KCTD20: variants seen among roughly 807,000 people sequenced by gnomAD.
KCTD20 encodes the protein BTB/POZ domain-containing protein KCTD20.
Under a neutral mutation model 39.6 loss-of-function variants are expected in KCTD20, and 30 were observed. The observed-to-expected ratio is 0.76, with a 90% CI of 0.57 to 1.03. KCTD20 has a LOEUF of 1.03. KCTD20 is among the 50% of genes least tolerant of loss of function. The probability of loss-of-function intolerance (pLI) is 0.00; values close to 1 mark genes in which losing one functional copy is unlikely to be tolerated. For synonymous variants in KCTD20, 162 were observed against 180.6 expected (o/e 0.90, Z 0.83); for missense variants, 422 against 522.0 (o/e 0.81, Z 1.87).
intron 1 of KCTD20, among the ~76,000 whole-genome samples, chr6:36,446,247 C>T (rs1379297489): frequency 6.6e-6 from 1 of 151,854 alleles, no homozygotes; most frequent in Non-Finnish European, 1.5e-5. Flanking sequence ...AGGCTGGTCT[C>T]GAACTCCTGA....
chr6:36,447,508 T>C (rs1398619496), intron 1 of KCTD20, among the ~76,000 whole-genome samples: 1 of 151,842 alleles, frequency 6.6e-6, no homozygotes, highest in East Asian at 1.9e-4. Context: ...CATGCGACTG[T>C]AAGCCCAGTT....
intron 1 of KCTD20, among the ~76,000 whole-genome samples, chr6:36,450,223 C>T (rs1295155860): frequency 3.3e-5 from 5 of 149,454 alleles, no homozygotes; most frequent in African/African-American, 9.9e-5. Context: ...TGCAATGGCT[C>T]CTGCGTGTAA....
At position 36,487,125 on chromosome 6, in the gene KCTD20, C is replaced by G. The variant is rs757829854; in HGVS notation, c.1210C>G (p.Arg404Gly). The change falls in exon 8 of 8, where the codon CGG (arginine) becomes GGG (glycine). Residue 404 changes from arginine (R) to glycine (G), a missense_variant. By Grantham distance (125) the Arg-to-Gly change is moderately radical. Transcript: ENST00000373731. ...HHPPQVDELD[R>G]LNAPLSQMAS... ...CCCACCCCAAGTGGATGAACTTGAC[C>G]GGCTAAATGCCCCACTTTCTCAGAT... 6.2e-6 allele frequency: 10 copies of G among 1,614,052 alleles called. No individual in the cohort carries two copies. Among genetic ancestry groups the G allele is most frequent in the Non-Finnish European group, 7.6e-6 (9 of 1,179,942 alleles).
At chr6:36,456,275 G>A (rs1462348956) in intron 1 of KCTD20, among the ~76,000 whole-genome samples, 2 of 151,986 alleles carry the variant, frequency 1.3e-5, no homozygotes, top group Admixed American at 6.6e-5. Flanking sequence ...AGACCCCATC[G>A]CTAAAAAATT....
At chr6:36,464,892 T>C (rs1263797967) in intron 1 of KCTD20, among the ~76,000 whole-genome samples, 1 of 152,176 alleles carries the variant, frequency 6.6e-6, no homozygotes, top group Admixed American at 6.5e-5. Flanking sequence ...GATTAGCTTA[T>C]TTACCAAATT....
At chr6:36,445,402 G>A (rs1309521545) in intron 1 of KCTD20, among the ~76,000 whole-genome samples, 1 of 151,960 alleles carries the variant, frequency 6.6e-6, no homozygotes, top group African/African-American at 2.4e-5. Flanking sequence ...ATGTGTTTCT[G>A]TGACTTTTTT....
chr6:36,470,465 AAAAC>A (rs1172031465), intron 2 of KCTD20, among the ~76,000 whole-genome samples: 6 of 152,252 alleles, frequency 3.9e-5, no homozygotes, highest in Non-Finnish European at 8.8e-5. Flanking sequence ...TAATGGTATT[AAAAC>A]AAACAAACAA....
intron 2 of KCTD20, 30 bp downstream of exon 2, chr6:36,470,287 G>A: frequency 6.4e-7 from 1 of 1,566,720 alleles, no homozygotes; most frequent in Non-Finnish European, 8.7e-7. Context: ...ACTTAATTTG[G>A]GGGGCTTTCC....
At chr6:36,443,697 T>G (rs1388404942) in intron 1 of KCTD20, 1 of 152,226 alleles carries the variant, frequency 6.6e-6, no homozygotes, top group East Asian at 1.9e-4. Flanking sequence ...CAATTTTCTT[T>G]TAAATAAAAC....
chr6:36,479,556 T>C (rs1353152757), intron 4 of KCTD20, 35 bp from the exon 5 acceptor site: 1 of 1,583,660 alleles, frequency 6.3e-7, no homozygotes, highest in South Asian at 1.1e-5. Context: ...CATCTTGTTC[T>C]CTGCCTACAT....
Position 36,475,158 on chromosome 6 carries a change from T to C in KCTD20, c.434+96T>C, listed in dbSNP as rs1265352912. ...CATTAGATATAACAGTAAAAAGTATTGTATAGGTTGGGCGCGGTGGCTCAC... is the reference window on the plus strand; with the variant it reads ...CATTAGATATAACAGTAAAAAGTATCGTATAGGTTGGGCGCGGTGGCTCAC... On this transcript the variant is annotated intron_variant, in intron 3 of 7. Transcript: ENST00000373731. 4.4e-6 allele frequency: 6 copies of C among 1,372,468 alleles called. No individual in the cohort carries two copies. In the African/African-American group the frequency reaches 8.7e-5, roughly 20 times the overall value. 85.0% of individuals were successfully genotyped at this position (1,372,468 alleles called of 1,614,324 possible). A position where few individuals can be genotyped will look rare whatever the true frequency, so the allele number is the denominator to read the frequency against.
At chr6:36,468,413 G>A (rs1775822767) in intron 1 of KCTD20, among the ~76,000 whole-genome samples, 1 of 152,194 alleles carries the variant, frequency 6.6e-6, no homozygotes. Flanking sequence ...CTTATTGTGT[G>A]TTGGTTCAAG....
At chr6:36,483,068 G>A (rs1180553229) in intron 6 of KCTD20, among the ~76,000 whole-genome samples, 5 of 148,066 alleles carry the variant, frequency 3.4e-5, no homozygotes, top group African/African-American at 7.5e-5. Flanking sequence ...GCAGTGAGCC[G>A]AGATCATGCC....
At chr6:36,466,467 G>A (rs1341597896) in intron 1 of KCTD20, among the ~76,000 whole-genome samples, 9 of 147,824 alleles carry the variant, frequency 6.1e-5, no homozygotes, top group Non-Finnish European at 1.3e-4. Flanking sequence ...CTACAGCCTC[G>A]ACCTCCTGGG....
At chr6:36,451,905 G>A (rs1050109268) in intron 1 of KCTD20, among the ~76,000 whole-genome samples, 2 of 152,090 alleles carry the variant, frequency 1.3e-5, no homozygotes, top group African/African-American at 4.8e-5. Flanking sequence ...CCTCCTCCCC[G>A]GTTCAAGTGC....
chr6:36,481,808 C>A, intron 6 of KCTD20, 49 bp downstream of exon 6: 1 of 1,500,768 alleles, frequency 6.7e-7, no homozygotes, highest in Non-Finnish European at 9.2e-7. Flanking sequence ...AAACTTGCTA[C>A]CTGGAGTAGC....
rs930059521 is a variant in KCTD20 at position 36,489,271 on chromosome 6, C to T, written c.*2096C>T. On this transcript the variant is annotated 3_prime_UTR_variant, in exon 8 of 8. Coordinates refer to ENST00000373731, the MANE Select transcript of KCTD20 (RefSeq NM_173562.5). ...CACAGCTAACACTTAAAAATGAAAACTAATTAGTTCTTGCTTAGGGAAAAT... is the reference window on the plus strand; with the variant it reads ...CACAGCTAACACTTAAAAATGAAAATTAATTAGTTCTTGCTTAGGGAAAAT... 3 of 152,446 alleles carry T rather than the reference C, an allele frequency of 2.0e-5. No individual in the cohort carries two copies. Among genetic ancestry groups the T allele is most frequent in the African/African-American group, 7.2e-5 (3 of 41,436 alleles). 9.4% of individuals were successfully genotyped at this position (152,446 alleles called of 1,614,324 possible).
At chr6:36,453,044 G>A (rs1775314043) in intron 1 of KCTD20, among the ~76,000 whole-genome samples, 1 of 109,124 alleles carries the variant, frequency 9.2e-6, no homozygotes, top group Non-Finnish European at 1.7e-5. Context: ...GTCTCACTCT[G>A]TTGCCCTGGC....
chr6:36,484,271 CTTTT>C, intron 6 of KCTD20, among the ~76,000 whole-genome samples: 1 of 152,264 alleles, frequency 6.6e-6, no homozygotes, highest in Admixed American at 6.5e-5. Flanking sequence ...TTGTAATTTC[CTTTT>C]TTGTTAATAG....
Sources: allele counts gnomAD v4.1 joint callset (sites outside exome capture counted in the v4.1 genomes callset), GRCh38; gene constraint gnomAD v4.1.1; transcripts MANE v1.5; gene names NCBI Gene and HGNC (gene_info 2026-07-23, HGNC 2026-07-21).